Variants in SH3BGRL2 observed in about 807,000 individuals in gnomAD.
The protein encoded by SH3BGRL2 is SH3 domain-binding glutamic acid-rich-like protein 2.
In SH3BGRL2, 21 loss-of-function variants were observed where a neutral mutation model predicts 14.8. That is an observed-to-expected ratio of 1.42 (90% CI 1.01 to 2.05). SH3BGRL2 has a LOEUF of 2.05. Ranked by LOEUF, SH3BGRL2 falls within the 30% of genes most tolerant of loss-of-function variation. The probability of loss-of-function intolerance (pLI) is 0.00; values close to 1 mark genes in which losing one functional copy is unlikely to be tolerated. For synonymous variants in SH3BGRL2, 50 were observed against 47.8 expected (o/e 1.05, Z -0.19); for missense variants, 147 against 130.8 (o/e 1.12, Z -0.61).
At chr6:79,583,377 C>G in the SH3BGRL2 span, among the ~76,000 whole-genome samples, 3 of 152,164 alleles carry the variant, frequency 2.0e-5, no homozygotes, top group Non-Finnish European at 2.9e-5. Flanking sequence ...GACTTGGAAC[C>G]AACCCAAATG....
At chr6:79,538,974 C>T in the SH3BGRL2 span, among the ~76,000 whole-genome samples, 2 of 152,132 alleles carry the variant, frequency 1.3e-5, no homozygotes, top group Non-Finnish European at 2.9e-5. Flanking sequence ...TTCGTGGTTT[C>T]GGATTTAGTG....
At chr6:79,595,749 T>G in the SH3BGRL2 span, among the ~76,000 whole-genome samples, 3 of 152,206 alleles carry the variant, frequency 2.0e-5, no homozygotes, top group Non-Finnish European at 4.4e-5. Context: ...GCATTCCCCT[T>G]AACATCAGGA....
chr6:79,663,790 C>A (rs1047215443), intron 1 of SH3BGRL2, among the ~76,000 whole-genome samples: 1 of 152,230 alleles, frequency 6.6e-6, no homozygotes, highest in Admixed American at 6.5e-5. Flanking sequence ...TCTATAGAGG[C>A]TGTAGGCCCT....
At position 79,700,887 on chromosome 6, in the gene SH3BGRL2, A is replaced by G. The variant is rs912999595; in HGVS notation, c.*1378A>G. ...AAATTTTCAGAGGGCTGCCTAAAAT[A>G]TTTTATTTCTAGCATCCTGATTCTG... On this transcript the variant is annotated 3_prime_UTR_variant, in exon 4 of 4. Coordinates refer to ENST00000369838, the MANE Select transcript of SH3BGRL2 (RefSeq NM_031469.4). The G allele has an allele frequency of 5.3e-5, 8 of 152,118 alleles. No individual in the cohort carries two copies. Among genetic ancestry groups the G allele is most frequent in the African/African-American group, 1.9e-4 (8 of 41,408 alleles). The allele number at this position is 152,118 out of a possible 1,614,324, so 9.4% of individuals were successfully genotyped here.
At chr6:79,538,083 T>C in the SH3BGRL2 span, among the ~76,000 whole-genome samples, 3 of 135,892 alleles carry the variant, frequency 2.2e-5, no homozygotes, top group Non-Finnish European at 3.1e-5. Flanking sequence ...CATGTCAGCC[T>C]ATTGAGCGCT....
At chr6:79,540,137 A>G in the SH3BGRL2 span, among the ~76,000 whole-genome samples, 379 of 152,254 alleles carry the variant, frequency 2.5e-3, 1 homozygote, top group East Asian at 0.016. Flanking sequence ...AGTTGGGTGT[A>G]AAGAACAGTA....
At chr6:79,658,433 G>T (rs2127728471) in intron 1 of SH3BGRL2, among the ~76,000 whole-genome samples, 1 of 152,230 alleles carries the variant, frequency 6.6e-6, no homozygotes. Flanking sequence ...GATAATGATG[G>T]TTTCCAGCTT....
chr6:79,593,890 T>A, the SH3BGRL2 span, among the ~76,000 whole-genome samples: 1 of 152,098 alleles, frequency 6.6e-6, no homozygotes, highest in Non-Finnish European at 1.5e-5. Context: ...TGACAAGAGA[T>A]GGCAGAATTA....
the SH3BGRL2 span, among the ~76,000 whole-genome samples, chr6:79,619,661 C>A: frequency 4.6e-5 from 7 of 152,274 alleles, no homozygotes; most frequent in East Asian, 1.4e-3. Flanking sequence ...ATAAGCAGGA[C>A]CCCCATTGCT....
intron 1 of SH3BGRL2, among the ~76,000 whole-genome samples, chr6:79,668,483 C>A (rs941410039): frequency 7.9e-5 from 12 of 151,984 alleles, no homozygotes; most frequent in Non-Finnish European, 1.8e-4. Context: ...GCATTGGGGT[C>A]CTCAGGAGAT....
chr6:79,541,022 G>A, the SH3BGRL2 span, among the ~76,000 whole-genome samples: 1 of 152,162 alleles, frequency 6.6e-6, no homozygotes, highest in Non-Finnish European at 1.5e-5. Context: ...GTAGGCCGAA[G>A]TGGGCAGATC....
the SH3BGRL2 span, among the ~76,000 whole-genome samples, chr6:79,546,129 T>C: frequency 6.6e-6 from 1 of 152,134 alleles, no homozygotes; most frequent in Non-Finnish European, 1.5e-5. Context: ...GTCTAATCCC[T>C]AACACCAAAA....
chr6:79,680,639 C>A (rs1769971183), intron 2 of SH3BGRL2, among the ~76,000 whole-genome samples: 1 of 151,868 alleles, frequency 6.6e-6, no homozygotes, highest in Non-Finnish European at 1.5e-5. Flanking sequence ...TAATAGGGAT[C>A]ATGTTGAATC....
chr6:79,593,032 G>A, the SH3BGRL2 span, among the ~76,000 whole-genome samples: 1 of 152,102 alleles, frequency 6.6e-6, no homozygotes, highest in African/African-American at 2.4e-5. Context: ...CCTCTTGATG[G>A]TATACTACCT....
rs1018254218 is a variant in SH3BGRL2, at chr6:79,700,450, G to A, written c.*941G>A. 5.3e-5 allele frequency: 8 copies of A among 152,094 alleles called. No individual in the cohort carries two copies. The highest frequency in any genetic ancestry group is 4.6e-4 in the Admixed American group (7 of 15,256). 9.4% of individuals were successfully genotyped at this position (152,094 alleles called of 1,614,324 possible). A position where few individuals can be genotyped will look rare whatever the true frequency, so the allele number is the denominator to read the frequency against. Reference sequence around the variant, plus strand: ...TTTTGAGAAAGGAAAATCTCAGTTAGATATATTTTGTGAACCCTTGATTAG... The same window carrying A: ...TTTTGAGAAAGGAAAATCTCAGTTAAATATATTTTGTGAACCCTTGATTAG... On this transcript the variant is annotated 3_prime_UTR_variant, in exon 4 of 4. Transcript: ENST00000369838.
chr6:79,658,413 A>T (rs1386357899), intron 1 of SH3BGRL2, among the ~76,000 whole-genome samples: 2 of 151,988 alleles, frequency 1.3e-5, no homozygotes, highest in Non-Finnish European at 2.9e-5. Flanking sequence ...TGTCCTTGTG[A>T]TAGTTTGTTG....
At chr6:79,663,420 G>A (rs974009803) in intron 1 of SH3BGRL2, among the ~76,000 whole-genome samples, 43 of 152,206 alleles carry the variant, frequency 2.8e-4, no homozygotes, top group African/African-American at 1.0e-3. Context: ...CTGCAGGTCT[G>A]TTGGAGTTTG....
the SH3BGRL2 span, among the ~76,000 whole-genome samples, chr6:79,572,701 G>A: frequency 2.0e-5 from 3 of 152,088 alleles, no homozygotes; most frequent in African/African-American, 4.8e-5. Flanking sequence ...TCCTGACCTC[G>A]TGATCCGCCC....
At position 79,699,600 on chromosome 6, in the gene SH3BGRL2, A is replaced by G; in HGVS notation, c.*91A>G. 2.5e-5 allele frequency: 36 copies of G among 1,413,746 alleles called. No individual in the cohort carries two copies. The highest frequency in any genetic ancestry group is 3.4e-5 in the Non-Finnish European group (36 of 1,072,040). 87.6% of individuals were successfully genotyped at this position (1,413,746 alleles called of 1,614,324 possible). On this transcript the variant is annotated 3_prime_UTR_variant, in exon 4 of 4. Transcript: ENST00000369838. Reference sequence around the variant, plus strand: ...TTACCTAATGCATCACTGTGACAAAAGCCACACGCATTATCAGTAACTTTG... The same window carrying G: ...TTACCTAATGCATCACTGTGACAAAGGCCACACGCATTATCAGTAACTTTG...
Sources: gnomAD v4.1 joint callset for allele counts (sites outside exome capture counted in the v4.1 genomes callset) on GRCh38, gnomAD v4.1.1 for gene constraint, MANE v1.5 for transcripts, NCBI Gene and HGNC (gene_info 2026-07-23, HGNC 2026-07-21) for gene names.